PDE4D: variants seen among roughly 807,000 people sequenced by gnomAD.
PDE4D encodes 3',5'-cyclic-AMP phosphodiesterase 4D.
PDE4D carries 24 observed loss-of-function variants against 87.4 expected under a neutral mutation model. The observed-to-expected ratio is 0.27, with a 90% confidence interval of 0.20 to 0.39. The LOEUF (loss-of-function observed/expected upper bound fraction) is 0.39. Among genes scored for constraint, PDE4D ranks in the 10% least tolerant of loss-of-function variants. The pLI, the probability that PDE4D is intolerant of heterozygous loss-of-function variation, is 1.00. For missense variants in PDE4D, 714 were observed against 1,041.0 expected (o/e 0.69, Z 4.32); for synonymous variants, 384 against 383.2 (o/e 1.00, Z -0.02).
intron 1 of PDE4D, among the ~76,000 whole-genome samples, chr5:59,454,167 T>C (rs1218083321): frequency 6.6e-6 from 1 of 152,172 alleles, no homozygotes; most frequent in African/African-American, 2.4e-5. Context: ...TATATAAAGA[T>C]TTTTAAAAAT....
At chr5:60,429,992 T>C (rs1236383440) in intron 1 of PDE4D, 5 of 520,338 alleles carry the variant, frequency 9.6e-6, no homozygotes, top group Non-Finnish European at 1.9e-5. Flanking sequence ...GGTAAATCTT[T>C]ATCTTCATTA....
chr5:59,156,353 GTGTGTGTGTGTGT>G (rs1780218664), intron 5 of PDE4D, among the ~76,000 whole-genome samples: 1 of 142,874 alleles, frequency 7.0e-6, no homozygotes, highest in Non-Finnish European at 1.5e-5. Flanking sequence ...GTGTGTGTGT[GTGTGTGTGTGTGT>G]GTGTGTGTGT....
intron 1 of PDE4D, among the ~76,000 whole-genome samples, chr5:60,199,190 T>A (rs911308668): frequency 1.3e-5 from 2 of 151,778 alleles, no homozygotes; most frequent in African/African-American, 4.8e-5. Context: ...TCTTAACTGC[T>A]AGGACAAAGC....
At chr5:60,439,306 T>G (rs1195294275) in intron 1 of PDE4D, among the ~76,000 whole-genome samples, 1 of 152,078 alleles carries the variant, frequency 6.6e-6, no homozygotes, top group Non-Finnish European at 1.5e-5. Context: ...GGATAATGAA[T>G]ATAAACTTCA....
intron 1 of PDE4D, among the ~76,000 whole-genome samples, chr5:60,233,137 T>A (rs1252898011): frequency 1.3e-5 from 2 of 151,524 alleles, no homozygotes; most frequent in African/African-American, 4.8e-5. Context: ...ATATCAGATA[T>A]AACTATACAG....
intron 2 of PDE4D, among the ~76,000 whole-genome samples, chr5:59,996,074 G>T (rs1763499827): frequency 6.6e-6 from 1 of 152,150 alleles, no homozygotes; most frequent in African/African-American, 2.4e-5. Flanking sequence ...CACTCAAACT[G>T]GTTGGGTCTC....
At position 59,588,867 on chromosome 5, in the gene PDE4D, G is replaced by A. The variant is rs139820045; in HGVS notation, c.455+304301C>T. 2.9e-4 allele frequency among the ~76,000 whole-genome samples: 44 copies of A among 152,192 alleles called. No homozygotes were observed. In the East Asian group the frequency reaches 6.4e-3, roughly 22 times the overall value. ...TAAAGGGACTAAATCTCTTCCATAA[G>A]GTCATTTGTAATCTGGCCCAGAAAA... On this transcript the variant is annotated intron_variant, in intron 1 of 14. Coordinates refer to ENST00000340635, the MANE Select transcript of PDE4D (RefSeq NM_001104631.2).
At chr5:59,203,099 C>G (rs144137804) in intron 2 of PDE4D, among the ~76,000 whole-genome samples, 164 of 152,142 alleles carry the variant, frequency 1.1e-3, no homozygotes, top group African/African-American at 3.8e-3. Context: ...ATCCCAGCAC[C>G]TTAGGAGGCT....
chr5:58,993,227 C>T (rs1361985805), intron 7 of PDE4D, 145 bp downstream of exon 7: 3 of 523,458 alleles, frequency 5.7e-6, no homozygotes, highest in African/African-American at 2.0e-5. Flanking sequence ...CGGATAGTGT[C>T]GAATTATTAA....
At chr5:59,111,168 A>G (rs767637993) in intron 5 of PDE4D, among the ~76,000 whole-genome samples, 3 of 152,180 alleles carry the variant, frequency 2.0e-5, no homozygotes, top group Admixed American at 1.3e-4. Context: ...TAGAACTTCA[A>G]TGTTTTCTCC....
At chr5:59,140,062 G>T (rs1348489863) in intron 5 of PDE4D, among the ~76,000 whole-genome samples, 3 of 152,196 alleles carry the variant, frequency 2.0e-5, no homozygotes, top group African/African-American at 4.8e-5. Flanking sequence ...GAGAGGAGTA[G>T]GATTGTGGAA....
chr5:59,304,001 A>G (rs1353562026), intron 1 of PDE4D, among the ~76,000 whole-genome samples: 1 of 152,130 alleles, frequency 6.6e-6, no homozygotes, highest in Admixed American at 6.6e-5. Flanking sequence ...TTTTCACAAT[A>G]TTGATTCTAC....
intron 1 of PDE4D, among the ~76,000 whole-genome samples, chr5:59,442,416 A>AGTTGCAACATC (rs1797769612): frequency 6.6e-6 from 1 of 152,218 alleles, no homozygotes; most frequent in Non-Finnish European, 1.5e-5. Context: ...AAGGAGGTCA[A>AGTTGCAACATC]GTTGCAACAT....
intron 1 of PDE4D, among the ~76,000 whole-genome samples, chr5:59,616,693 C>T (rs1011967499): frequency 2.6e-5 from 4 of 151,692 alleles, no homozygotes; most frequent in African/African-American, 7.3e-5. Flanking sequence ...TAAAGATAAT[C>T]TAGAATTTTG....
chr5:59,755,647 C>T (rs1454743160), intron 1 of PDE4D, among the ~76,000 whole-genome samples: 7 of 152,032 alleles, frequency 4.6e-5, no homozygotes, highest in African/African-American at 1.4e-4. Context: ...ATAAATCATA[C>T]GCTGTTCTAT....
chr5:59,165,874 C>G (rs62357965), intron 5 of PDE4D, among the ~76,000 whole-genome samples: 1 of 152,094 alleles, frequency 6.6e-6, no homozygotes, highest in Non-Finnish European at 1.5e-5. Flanking sequence ...TGCTGTTTGA[C>G]TCTTGAAATA....
chr5:60,371,663 T>C (rs1561177560), intron 1 of PDE4D, among the ~76,000 whole-genome samples: 1 of 152,236 alleles, frequency 6.6e-6, no homozygotes, highest in East Asian at 1.9e-4. Context: ...AGCCCACTTA[T>C]GTTCTATCTC....
intron 5 of PDE4D, chr5:59,040,020 A>C (rs1335802327): frequency 6.6e-6 from 1 of 152,428 alleles, no homozygotes; most frequent in Non-Finnish European, 1.5e-5. Context: ...AGACCGCTGG[A>C]GCCTCTGCGA....
At chr5:59,939,303 T>C (rs1581823459) in intron 3 of PDE4D, among the ~76,000 whole-genome samples, 1 of 152,316 alleles carries the variant, frequency 6.6e-6, no homozygotes, top group East Asian at 1.9e-4. Flanking sequence ...TTTGAGATTA[T>C]ATATTTTATG....
Sources: allele counts gnomAD v4.1 joint callset (sites outside exome capture counted in the v4.1 genomes callset), GRCh38; gene constraint gnomAD v4.1.1; transcripts MANE v1.5; gene names NCBI Gene and HGNC (gene_info 2026-07-23, HGNC 2026-07-21).